RBFOX1: variants seen among roughly 807,000 people sequenced by gnomAD.
RBFOX1 encodes RNA binding fox-1 homolog 1, also known as RNA binding protein fox-1 homolog 1.
A neutral mutation model predicts 57.7 loss-of-function variants in RBFOX1; 8 were observed. That is an observed-to-expected ratio of 0.14 (90% CI 0.08 to 0.25). The LOEUF (loss-of-function observed/expected upper bound fraction) is 0.25. RBFOX1 is among the 10% of genes least tolerant of loss of function. The pLI is 1.00. For missense variants in RBFOX1, 611 were observed against 548.5 expected (o/e 1.11, Z -1.14); for synonymous variants, 326 against 222.4 (o/e 1.47, Z -4.15).
At chr16:5,363,197 C>G (rs1175103670) in intron 1 of RBFOX1, among the ~76,000 whole-genome samples, 1 of 139,528 alleles carries the variant, frequency 7.2e-6, no homozygotes, top group Non-Finnish European at 1.5e-5. Flanking sequence ...CAGCCCCTGG[C>G]TATTTTTTTT....
chr16:6,223,666 A>G (rs1043433955), intron 1 of RBFOX1, among the ~76,000 whole-genome samples: 9 of 152,062 alleles, frequency 5.9e-5, no homozygotes, highest in African/African-American at 1.9e-4. Context: ...GTTCACTCTG[A>G]TGGTAGTTTC....
chr16:7,598,776 A>G (rs1301470033), intron 9 of RBFOX1, among the ~76,000 whole-genome samples: 2 of 152,204 alleles, frequency 1.3e-5, no homozygotes, highest in Non-Finnish European at 2.9e-5. Flanking sequence ...CTTTAATTTA[A>G]TATATACAGA....
chr16:7,204,494 A>G (rs2089489894), intron 4 of RBFOX1, among the ~76,000 whole-genome samples: 1 of 152,128 alleles, frequency 6.6e-6, no homozygotes, highest in African/African-American at 2.4e-5. Context: ...TTATAATAGT[A>G]AATTAGCCAG....
At chr16:6,076,223 C>T (rs542999079) in intron 1 of RBFOX1, among the ~76,000 whole-genome samples, 13 of 151,808 alleles carry the variant, frequency 8.6e-5, no homozygotes, top group South Asian at 2.1e-4. Flanking sequence ...TGCTTGAACC[C>T]GGGAGGCGGA....
chr16:5,884,884 C>T (rs192570119), intron 4 of RBFOX1, among the ~76,000 whole-genome samples: 1 of 152,096 alleles, frequency 6.6e-6, no homozygotes, highest in Non-Finnish European at 1.5e-5. Flanking sequence ...TGTCTTTCTC[C>T]CATTTTGCCA....
At chr16:5,750,421 G>T (rs2053152779) in intron 3 of RBFOX1, among the ~76,000 whole-genome samples, 2 of 152,224 alleles carry the variant, frequency 1.3e-5, no homozygotes, top group South Asian at 4.1e-4. Flanking sequence ...TAAGTCTGCA[G>T]AGGTTTCTGC....
intron 1 of RBFOX1, among the ~76,000 whole-genome samples, chr16:6,298,218 C>A (rs1237282934): frequency 6.6e-6 from 1 of 152,162 alleles, no homozygotes; most frequent in African/African-American, 2.4e-5. Context: ...GAGCCACACC[C>A]CTGTCTCATG....
At position 7,132,045 on chromosome 16, in the gene RBFOX1, G is replaced by A. The variant is rs1011090428; in HGVS notation, c.27+79947G>A. Among the ~76,000 whole-genome samples the A allele has an allele frequency of 4.9e-5, 7 of 142,850 alleles. No homozygotes were observed. In the East Asian group the frequency reaches 1.1e-3, roughly 22 times the overall value. 93.7% of individuals were successfully genotyped at this position (142,850 alleles called of 152,430 possible). A position where few individuals can be genotyped will look rare whatever the true frequency, so the allele number is the denominator to read the frequency against. On this transcript the variant is annotated intron_variant, in intron 4 of 15. Transcript: ENST00000550418. ...GTCATTCTGTTACCCAGACTAGAGC[G>A]AAGTGGCACAATATCAGGTCACTGC...
At chr16:7,124,139 C>G (rs2067843208) in intron 4 of RBFOX1, among the ~76,000 whole-genome samples, 1 of 152,170 alleles carries the variant, frequency 6.6e-6, no homozygotes, top group Non-Finnish European at 1.5e-5. Flanking sequence ...CGAACTTGTA[C>G]ATAAAATAAA....
rs139089142 is a variant in RBFOX1, at chr16:7,357,367, T to A, written c.28-160780T>A. ...GAAACTGATGATGAAAACAAAAGAT[T>A]CCAATGAATCAGAAGCATTGATTAA... On this transcript the variant is annotated intron_variant, in intron 4 of 15. Coordinates refer to ENST00000550418, the MANE Select transcript of RBFOX1 (RefSeq NM_018723.4). 3.3e-3 allele frequency among the ~76,000 whole-genome samples: 499 copies of A among 152,256 alleles called. 2 individuals carry two copies. Among genetic ancestry groups the A allele is most frequent in the African/African-American group, 0.012 (482 of 41,552 alleles).
At chr16:6,728,636 G>A (rs187160068) in intron 3 of RBFOX1, among the ~76,000 whole-genome samples, 29 of 152,254 alleles carry the variant, frequency 1.9e-4, no homozygotes, top group Non-Finnish European at 1.2e-4. Flanking sequence ...CCCCACGCTG[G>A]CTAATGTTGG....
At chr16:6,844,567 T>C (rs535528457) in intron 3 of RBFOX1, among the ~76,000 whole-genome samples, 2 of 152,332 alleles carry the variant, frequency 1.3e-5, no homozygotes, top group South Asian at 2.1e-4. Flanking sequence ...CGACTTTTTT[T>C]TTTATCCAGT....
chr16:6,580,156 A>G (rs965644883), intron 2 of RBFOX1, among the ~76,000 whole-genome samples: 17 of 151,968 alleles, frequency 1.1e-4, no homozygotes, highest in Non-Finnish European at 2.4e-4. Context: ...ACAGGGTTTC[A>G]CCATGTCAGC....
chr16:6,912,550 C>G lies in RBFOX1; in HGVS notation c.-15-139507C>G, dbSNP rs374753233. ...ACCTTCTGAGATTTAGGTTTAAATT[C>G]TTTTCTCTTTGTTTCTTTTACTTTT... On this transcript the variant is annotated intron_variant, in intron 3 of 15. Transcript: ENST00000550418. 8.5e-5 allele frequency among the ~76,000 whole-genome samples: 13 copies of G among 152,066 alleles called. No individual in the cohort carries two copies. The East Asian group carries it at 1.2e-3, about 14-fold the overall frequency.
intron 4 of RBFOX1, among the ~76,000 whole-genome samples, chr16:5,994,363 T>TC (rs2060456384): frequency 6.6e-6 from 1 of 152,182 alleles, no homozygotes; most frequent in Non-Finnish European, 1.5e-5. Context: ...GGTTTCGCCA[T>TC]ATTGGCCAGG....
intron 4 of RBFOX1, among the ~76,000 whole-genome samples, chr16:7,240,659 A>C (rs1434379730): frequency 6.6e-6 from 1 of 151,956 alleles, no homozygotes; most frequent in Non-Finnish European, 1.5e-5. Flanking sequence ...GGCTCAAGTG[A>C]TCCTCCCATC....
At chr16:5,495,706 C>G (rs550917303) in intron 2 of RBFOX1, among the ~76,000 whole-genome samples, 4 of 152,322 alleles carry the variant, frequency 2.6e-5, no homozygotes, top group South Asian at 2.1e-4. Flanking sequence ...AACCACACAC[C>G]CATCAGTACC....
intron 4 of RBFOX1, among the ~76,000 whole-genome samples, chr16:7,388,533 C>T (rs935506406): frequency 3.3e-5 from 5 of 151,922 alleles, no homozygotes; most frequent in Admixed American, 6.6e-5. Flanking sequence ...GAGCTTAAGC[C>T]CCCTCAACTG....
At chr16:5,854,006 A>G (rs1467322187) in intron 3 of RBFOX1, among the ~76,000 whole-genome samples, 1 of 152,210 alleles carries the variant, frequency 6.6e-6, no homozygotes. Flanking sequence ...ATCATATAAT[A>G]TCAGCTAAGT....
Sources: gnomAD v4.1 joint callset for allele counts (sites outside exome capture counted in the v4.1 genomes callset) on GRCh38, gnomAD v4.1.1 for gene constraint, MANE v1.5 for transcripts, NCBI Gene and HGNC (gene_info 2026-07-23, HGNC 2026-07-21) for gene names.